The following LSAMP variants were observed in gnomAD, a reference collection of about 807,000 sequenced individuals.
LSAMP encodes limbic system-associated membrane protein.
Under a neutral mutation model 38.6 loss-of-function variants are expected in LSAMP, and 7 were observed. That is an observed-to-expected ratio of 0.18 (90% CI 0.10 to 0.34). The LOEUF (loss-of-function observed/expected upper bound fraction) is 0.34. LSAMP is among the 10% of genes least tolerant of loss of function. The pLI is 1.00. For synonymous variants in LSAMP, 154 were observed against 166.8 expected (o/e 0.92, Z 0.59); for missense variants, 313 against 420.0 (o/e 0.75, Z 2.23).
At chr3:116,114,121 C>T (rs767361988) in intron 1 of LSAMP, among the ~76,000 whole-genome samples, 1 of 152,200 alleles carries the variant, frequency 6.6e-6, no homozygotes, top group Non-Finnish European at 1.5e-5. Flanking sequence ...CCCCAGCGTC[C>T]TCACATAACA....
chr3:116,173,284 A>C (rs1295898723), intron 1 of LSAMP, among the ~76,000 whole-genome samples: 2 of 152,028 alleles, frequency 1.3e-5, no homozygotes, highest in Admixed American at 6.6e-5. Flanking sequence ...GCAGACCTCT[A>C]TTTGGGTAAA....
intron 1 of LSAMP, among the ~76,000 whole-genome samples, chr3:116,381,273 A>G (rs75152285): frequency 2.0e-5 from 3 of 152,230 alleles, no homozygotes; most frequent in East Asian, 1.9e-4. Context: ...TGAAAAAGTT[A>G]TTAACTACTT....
intron 1 of LSAMP, among the ~76,000 whole-genome samples, chr3:116,250,159 A>T (rs2046660801): frequency 6.6e-6 from 1 of 152,208 alleles, no homozygotes; most frequent in African/African-American, 2.4e-5. Flanking sequence ...TAAATAGCAG[A>T]GTGCTTGACA....
intron 3 of LSAMP, among the ~76,000 whole-genome samples, chr3:115,928,711 T>C (rs551912513): frequency 1.3e-5 from 2 of 151,996 alleles, no homozygotes; most frequent in East Asian, 3.9e-4. Context: ...AGGAAAAGGG[T>C]GAGAGAAAGA....
intron 3 of LSAMP, among the ~76,000 whole-genome samples, chr3:115,990,263 C>T (rs1417417735): frequency 6.6e-6 from 1 of 151,980 alleles, no homozygotes; most frequent in Non-Finnish European, 1.5e-5. Flanking sequence ...AATTTAATCA[C>T]TTTGCCGTTT....
At chr3:116,085,511 T>A (rs924277715) in intron 2 of LSAMP, among the ~76,000 whole-genome samples, 4 of 152,210 alleles carry the variant, frequency 2.6e-5, no homozygotes, top group African/African-American at 9.7e-5. Flanking sequence ...ACAGCCCTAA[T>A]GTTTGTTAGT....
intron 3 of LSAMP, among the ~76,000 whole-genome samples, chr3:115,912,301 T>C (rs955127920): frequency 6.6e-6 from 1 of 152,216 alleles, no homozygotes; most frequent in African/African-American, 2.4e-5. Flanking sequence ...TGTGATTCAT[T>C]TGAAGTTAAT....
chr3:116,302,092 A>AG (rs1559820084), intron 1 of LSAMP, among the ~76,000 whole-genome samples: 2 of 152,246 alleles, frequency 1.3e-5, no homozygotes, highest in Non-Finnish European at 2.9e-5. Context: ...TCAAGAAGGA[A>AG]GAAGCTGTTC....
intron 1 of LSAMP, among the ~76,000 whole-genome samples, chr3:116,391,983 A>G (rs775222986): frequency 4.6e-5 from 7 of 152,114 alleles, no homozygotes; most frequent in Non-Finnish European, 8.8e-5. Context: ...ATCCACTCCC[A>G]AAGGCACCCC....
At chr3:116,438,058 T>C (rs368587043) in intron 1 of LSAMP, among the ~76,000 whole-genome samples, 2 of 34,220 alleles carry the variant, frequency 5.8e-5, no homozygotes, top group African/African-American at 8.1e-5. Flanking sequence ...TACAGGTAAC[T>C]ACAAAAAAAA....
At chr3:115,893,660 G>T (rs1936658034) in intron 3 of LSAMP, among the ~76,000 whole-genome samples, 1 of 152,042 alleles carries the variant, frequency 6.6e-6, no homozygotes, top group East Asian at 1.9e-4. Flanking sequence ...GTCTTATGAA[G>T]AAGCAATCAA....
chr3:116,380,893 T>A (rs2048550248), intron 1 of LSAMP, among the ~76,000 whole-genome samples: 1 of 152,046 alleles, frequency 6.6e-6, no homozygotes, highest in South Asian at 2.1e-4. Context: ...CAGCATGAAC[T>A]TATATACTTA....
intron 2 of LSAMP, among the ~76,000 whole-genome samples, chr3:116,054,925 A>G (rs1941460800): frequency 6.6e-6 from 1 of 152,046 alleles, no homozygotes; most frequent in Non-Finnish European, 1.5e-5. Context: ...TCTCTATTCT[A>G]TTTTCCATGT....
At chr3:116,387,406 T>C (rs1167551062) in intron 1 of LSAMP, among the ~76,000 whole-genome samples, 1 of 152,194 alleles carries the variant, frequency 6.6e-6, no homozygotes, top group East Asian at 1.9e-4. Context: ...ATCTAATATA[T>C]ACAGAGGTGT....
rs150405959 is a variant in LSAMP, at chr3:116,290,773, T to A, written c.155+154104A>T. Among the ~76,000 whole-genome samples the A allele has an allele frequency of 4.6e-4, 65 of 142,538 alleles. No individual in the cohort carries two copies. The East Asian group carries it at 8.2e-3, about 18-fold the overall frequency. 93.5% of individuals were successfully genotyped at this position (142,538 alleles called of 152,430 possible). A position where few individuals can be genotyped will look rare whatever the true frequency, so the allele number is the denominator to read the frequency against. ...ATAATAATAATAATAATAATAATAA[T>A]AAAATAAACTTTCCTAGTTGATCTT... On this transcript the variant is annotated intron_variant, in intron 1 of 6. Coordinates refer to ENST00000490035, the MANE Select transcript of LSAMP (RefSeq NM_002338.5).
intron 2 of LSAMP, among the ~76,000 whole-genome samples, chr3:116,050,745 A>G (rs1037799601): frequency 2.0e-5 from 3 of 152,226 alleles, no homozygotes; most frequent in East Asian, 1.9e-4. Flanking sequence ...GGCCAAGGGC[A>G]TATTTCCCAG....
intron 1 of LSAMP, among the ~76,000 whole-genome samples, chr3:116,325,930 C>T (rs1161717239): frequency 6.6e-6 from 1 of 152,162 alleles, no homozygotes; most frequent in Non-Finnish European, 1.5e-5. Context: ...GAAGAAAGCA[C>T]AAGCGTATCC....
At chr3:116,009,029 GA>G (rs1940247843) in intron 3 of LSAMP, among the ~76,000 whole-genome samples, 1 of 152,064 alleles carries the variant, frequency 6.6e-6, no homozygotes, top group African/African-American at 2.4e-5. Flanking sequence ...TGTAGCCAAG[GA>G]AAAACCTTAT....
chr3:116,025,432 G>A (rs183836312), intron 2 of LSAMP, among the ~76,000 whole-genome samples: 1 of 151,962 alleles, frequency 6.6e-6, no homozygotes, highest in Non-Finnish European at 1.5e-5. Flanking sequence ...TTGTTTTGCT[G>A]AAGTTTAAAG....
Sources: gnomAD v4.1 joint callset for allele counts (sites outside exome capture counted in the v4.1 genomes callset) on GRCh38, gnomAD v4.1.1 for gene constraint, MANE v1.5 for transcripts, NCBI Gene and HGNC (gene_info 2026-07-23, HGNC 2026-07-21) for gene names.